EYS: variants seen among roughly 807,000 people sequenced by gnomAD.
EYS encodes the protein EGF-like photoreceptor maintenance factor, also known as protein eyes shut homolog.
EYS carries 250 observed loss-of-function variants against 282.1 expected under a neutral mutation model. That is an observed-to-expected ratio of 0.89 (90% CI 0.80 to 0.98). The LOEUF (loss-of-function observed/expected upper bound fraction) is 0.98. EYS is among the 50% of genes least tolerant of loss of function. The pLI is 0.00. For synonymous variants in EYS, 1,355 were observed against 1,282.9 expected (o/e 1.06, Z -1.20); for missense variants, 4,016 against 3,709.0 (o/e 1.08, Z -2.15).
intron 31 of EYS, among the ~76,000 whole-genome samples, chr6:64,197,515 T>G (rs1196861873): frequency 1.3e-5 from 2 of 152,214 alleles, no homozygotes; most frequent in East Asian, 3.8e-4. Flanking sequence ...TTAAGTTCAC[T>G]TAGCTTTTGG....
At chr6:63,974,911 C>CATGCAG (rs1766759352) in intron 35 of EYS, among the ~76,000 whole-genome samples, 1 of 151,962 alleles carries the variant, frequency 6.6e-6, no homozygotes, top group Admixed American at 6.6e-5. Context: ...TCAATTTAAA[C>CATGCAG]TGCATTTGTA....
At chr6:65,607,869 G>C (rs1357660281) in intron 2 of EYS, among the ~76,000 whole-genome samples, 1 of 151,930 alleles carries the variant, frequency 6.6e-6, no homozygotes, top group Admixed American at 6.6e-5. Context: ...CATCTTATGT[G>C]TCAATCTCTG....
At chr6:64,290,503 T>C (rs939591287) in intron 30 of EYS, among the ~76,000 whole-genome samples, 1 of 152,132 alleles carries the variant, frequency 6.6e-6, no homozygotes, top group East Asian at 1.9e-4. Flanking sequence ...TCTTCACTGA[T>C]GTAACAAATA....
intron 31 of EYS, among the ~76,000 whole-genome samples, chr6:64,194,280 A>T (rs908067839): frequency 1.5e-5 from 2 of 136,134 alleles, no homozygotes; most frequent in African/African-American, 5.3e-5. Context: ...TCTGATATTA[A>T]TTATTACCTT....
chr6:63,825,842 C>T (rs1016085129), intron 36 of EYS, among the ~76,000 whole-genome samples: 3 of 152,140 alleles, frequency 2.0e-5, no homozygotes, highest in Non-Finnish European at 1.5e-5. Flanking sequence ...GGCTCATCAA[C>T]ACCCCTCAAA....
intron 26 of EYS, among the ~76,000 whole-genome samples, chr6:64,471,402 C>T (rs1354729825): frequency 6.6e-6 from 1 of 152,018 alleles, no homozygotes; most frequent in Non-Finnish European, 1.5e-5. Flanking sequence ...AAAGCCCAGA[C>T]ACAAAATCAA....
intron 33 of EYS, among the ~76,000 whole-genome samples, chr6:64,062,415 G>A (rs894388639): frequency 1.3e-5 from 2 of 152,146 alleles, no homozygotes; most frequent in African/African-American, 4.8e-5. Flanking sequence ...TTCTCAGCCA[G>A]GCTTGGTGGC....
At chr6:64,238,798 A>G (rs1766694057) in intron 30 of EYS, among the ~76,000 whole-genome samples, 1 of 152,164 alleles carries the variant, frequency 6.6e-6, no homozygotes, top group Non-Finnish European at 1.5e-5. Flanking sequence ...ATATGTGCAG[A>G]ATGTGCAGGT....
chr6:64,439,203 C>T lies in EYS; in HGVS notation c.5794G>A (p.Gly1932Arg), dbSNP rs1319912217. 2.7e-6 allele frequency: 4 copies of T among 1,470,654 alleles called. No individual in the cohort carries two copies. Among genetic ancestry groups the T allele is most frequent in the Middle Eastern group, 1.7e-4 (1 of 5,760 alleles). 91.1% of individuals were successfully genotyped at this position (1,470,654 alleles called of 1,614,324 possible). A position where few individuals can be genotyped will look rare whatever the true frequency, so the allele number is the denominator to read the frequency against. ...YVKQDSNLVD[G>R]FFIQLFIENG... ...TCAATAAACAATTGAATAAAAAATC[C>T]ATCTACTAAATTTGAGTCTTGCTTG... The change falls in exon 27 of 43, where the codon GGA becomes AGA. Residue 1932 changes from glycine to arginine, a missense_variant. By Grantham distance (125) the Gly-to-Arg change is moderately radical (BLOSUM62 -2). Coordinates refer to ENST00000503581, the MANE Select transcript of EYS (RefSeq NM_001142800.2).
chr6:63,956,532 C>T (rs1318077461), intron 35 of EYS, among the ~76,000 whole-genome samples: 1 of 152,156 alleles, frequency 6.6e-6, no homozygotes, highest in Admixed American at 6.5e-5. Flanking sequence ...ACTGCTTTTC[C>T]ACATAAACTT....
At chr6:65,035,933 A>T (rs1436256742) in intron 13 of EYS, among the ~76,000 whole-genome samples, 1 of 147,518 alleles carries the variant, frequency 6.8e-6, no homozygotes, top group Admixed American at 6.8e-5. Context: ...ATTATATATT[A>T]CATAGTAATA....
chr6:64,941,612 C>T (rs1484048661), intron 15 of EYS, among the ~76,000 whole-genome samples: 1 of 152,046 alleles, frequency 6.6e-6, no homozygotes, highest in African/African-American at 2.4e-5. Context: ...TTACCTCCTT[C>T]CCTTCCCACT....
chr6:65,209,394 C>G (rs1766116833), intron 12 of EYS, among the ~76,000 whole-genome samples: 1 of 151,560 alleles, frequency 6.6e-6, no homozygotes, highest in South Asian at 2.1e-4. Context: ...ATTATTTGCT[C>G]CACAAATCAG....
rs1561913616 is a variant in EYS, at chr6:64,296,567, TATATATATATATATATACATATATA to T, written c.6191+10378_6191+10402del. 3.4e-3 allele frequency among the ~76,000 whole-genome samples: 23 copies of T among 6,788 alleles called. 1 individual carries two copies. The highest frequency in any genetic ancestry group is 0.016 in the African/African-American group (22 of 1,416). The allele number at this position is 6,788 out of a possible 152,430, so 4.5% of individuals were successfully genotyped here. A position where few individuals can be genotyped will look rare whatever the true frequency, so the allele number is the denominator to read the frequency against. On this transcript the variant is annotated intron_variant, in intron 30 of 42. Transcript: ENST00000503581. The stretch of plus-strand genomic sequence containing the variant: ...ATATATATATATATATATATATATA[TATATATATATATATATACATATATA>T]TATATATTTTTTTTTTTTTTTTTTT...
At chr6:63,900,285 T>C (rs547276167) in intron 35 of EYS, among the ~76,000 whole-genome samples, 2 of 152,322 alleles carry the variant, frequency 1.3e-5, no homozygotes, top group South Asian at 2.1e-4. Flanking sequence ...TATATTAAAA[T>C]ATATACAGTT....
At position 64,868,456 on chromosome 6, in the gene EYS, G is replaced by T. The variant is rs530506024; in HGVS notation, c.2992+18241C>A. ...TAAATACAAAGCCAATGTTTCCAAT[G>T]ATTATGTAATCTTATATAACTCCAT... On this transcript the variant is annotated intron_variant, in intron 19 of 42. Coordinates refer to ENST00000503581, the MANE Select transcript of EYS (RefSeq NM_001142800.2). Among the ~76,000 whole-genome samples the T allele has an allele frequency of 1.7e-3, 262 of 151,546 alleles. 1 individual carries two copies. Among genetic ancestry groups the T allele is most frequent in the African/African-American group, 5.8e-3 (240 of 41,504 alleles).
At chr6:65,099,175 A>G (rs1047664971) in intron 12 of EYS, among the ~76,000 whole-genome samples, 1 of 150,676 alleles carries the variant, frequency 6.6e-6, no homozygotes, top group Admixed American at 6.6e-5. Context: ...AACACCTTAA[A>G]TAATCTATAT....
chr6:64,441,576 T>C (rs970208115), intron 26 of EYS, among the ~76,000 whole-genome samples: 1 of 152,168 alleles, frequency 6.6e-6, no homozygotes, highest in Non-Finnish European at 1.5e-5. Context: ...CAAACATCAT[T>C]GATATCGTTT....
intron 19 of EYS, among the ~76,000 whole-genome samples, chr6:64,850,411 A>G (rs1365043247): frequency 6.6e-6 from 1 of 152,116 alleles, no homozygotes; most frequent in Non-Finnish European, 1.5e-5. Flanking sequence ...AGTGAACAAA[A>G]ATACATGACC....
Sources: allele counts gnomAD v4.1 joint callset (sites outside exome capture counted in the v4.1 genomes callset), GRCh38; gene constraint gnomAD v4.1.1; transcripts MANE v1.5; gene names NCBI Gene and HGNC (gene_info 2026-07-23, HGNC 2026-07-21).